The following PARD3 variants were observed in gnomAD, a reference collection of about 807,000 sequenced individuals.
PARD3 encodes the protein par-3 family cell polarity regulator, also known as partitioning defective 3 homolog.
In PARD3, 75 loss-of-function variants were observed where a neutral mutation model predicts 155.4. That is an observed-to-expected ratio of 0.48 (90% CI 0.40 to 0.58). The LOEUF (loss-of-function observed/expected upper bound fraction) is 0.58. Among genes scored for constraint, PARD3 ranks in the 20% least tolerant of loss-of-function variants. The pLI, the probability that PARD3 is intolerant of heterozygous loss-of-function variation, is 0.00. For synonymous variants in PARD3, 576 were observed against 610.5 expected (o/e 0.94, Z 0.83); for missense variants, 1,642 against 1,721.7 (o/e 0.95, Z 0.82).
chr10:34,432,507 G>C (rs1229001951), intron 5 of PARD3, among the ~76,000 whole-genome samples: 2 of 152,028 alleles, frequency 1.3e-5, no homozygotes, highest in African/African-American at 4.8e-5. Context: ...GAAAAGAATG[G>C]CCAATCATAG....
intron 22 of PARD3, among the ~76,000 whole-genome samples, chr10:34,162,491 T>A (rs1949333632): frequency 6.6e-6 from 1 of 152,222 alleles, no homozygotes; most frequent in Non-Finnish European, 1.5e-5. Flanking sequence ...CTGTGTCACA[T>A]ACACATGTGA....
At chr10:34,309,133 T>C (rs569817414) in intron 20 of PARD3, among the ~76,000 whole-genome samples, 1 of 152,148 alleles carries the variant, frequency 6.6e-6, no homozygotes, top group East Asian at 1.9e-4. Flanking sequence ...AGACAGCAAA[T>C]ATATCAAAGG....
chr10:34,493,724 C>T (rs972548841), intron 3 of PARD3, among the ~76,000 whole-genome samples: 7 of 149,886 alleles, frequency 4.7e-5, no homozygotes, highest in African/African-American at 1.7e-4. Context: ...AAAAGCGAAA[C>T]TCTGTCTCAA....
chr10:34,183,762 GC>G (rs1330076492), intron 22 of PARD3, among the ~76,000 whole-genome samples: 5 of 152,166 alleles, frequency 3.3e-5, no homozygotes, highest in Non-Finnish European at 7.3e-5. Flanking sequence ...TTTGTTCCAA[GC>G]CCCCCTCCCT....
chr10:34,439,987 G>T (rs969991162), intron 5 of PARD3, among the ~76,000 whole-genome samples: 1 of 152,020 alleles, frequency 6.6e-6, no homozygotes, highest in African/African-American at 2.4e-5. Context: ...ATACTATAGG[G>T]CACATATACC....
chr10:34,565,510 G>A (rs1227667251), intron 2 of PARD3, among the ~76,000 whole-genome samples: 6 of 151,746 alleles, frequency 4.0e-5, no homozygotes, highest in East Asian at 1.9e-4. Context: ...CAAGTGATCC[G>A]CCCGCCTCGG....
At chr10:34,510,995 A>T (rs1327156496) in intron 3 of PARD3, among the ~76,000 whole-genome samples, 1 of 152,182 alleles carries the variant, frequency 6.6e-6, no homozygotes, top group Non-Finnish European at 1.5e-5. Context: ...TTAAATCAGG[A>T]TTTAAATAAG....
At chr10:34,623,163 T>C (rs1389292858) in intron 2 of PARD3, among the ~76,000 whole-genome samples, 1 of 152,162 alleles carries the variant, frequency 6.6e-6, no homozygotes, top group Non-Finnish European at 1.5e-5. Context: ...AAGCTGGGCT[T>C]CGACAGTCGA....
chr10:34,718,789 C>T lies in PARD3; in HGVS notation c.121-22370G>A, dbSNP rs182851924. Among the ~76,000 whole-genome samples, 45 of 152,140 alleles carry T rather than the reference C, an allele frequency of 3.0e-4. 1 individual carries two copies. In the East Asian group the frequency reaches 6.2e-3, roughly 21 times the overall value. ...ACCAGCCTGACCAACATGGTGAAAC[C>T]CTGTCTCTACTAAAAAATACAAAAA... On this transcript the variant is annotated intron_variant, in intron 1 of 24. Coordinates refer to ENST00000374788, the MANE Select transcript of PARD3 (RefSeq NM_001184785.2).
chr10:34,658,315 A>G (rs1157032164), intron 2 of PARD3, among the ~76,000 whole-genome samples: 10 of 152,202 alleles, frequency 6.6e-5, no homozygotes, highest in Non-Finnish European at 1.0e-4. Context: ...TGAATTCTGA[A>G]TATCATTTAA....
chr10:34,622,951 G>A (rs2477017), intron 2 of PARD3, among the ~76,000 whole-genome samples: 79,514 of 150,828 alleles, frequency 0.53, 24,239 homozygotes, highest in African/African-American at 0.86. Flanking sequence ...TTCCCCATGT[G>A]TGTCTTTTTT....
At chr10:34,343,498 A>C (rs1837050919) in intron 15 of PARD3, 1 of 985,042 alleles carries the variant, frequency 1.0e-6, no homozygotes, top group Admixed American at 6.2e-5. Context: ...TAAGAAAATA[A>C]TTTAGCATTT....
chr10:34,569,040 A>G (rs567258592), intron 2 of PARD3, among the ~76,000 whole-genome samples: 4 of 152,372 alleles, frequency 2.6e-5, no homozygotes, highest in African/African-American at 4.8e-5. Context: ...GTATTAAAAA[A>G]TATTTAATGC....
intron 5 of PARD3, among the ~76,000 whole-genome samples, chr10:34,427,006 T>C (rs921773923): frequency 6.6e-6 from 1 of 152,256 alleles, no homozygotes; most frequent in Non-Finnish European, 1.5e-5. Context: ...TGATTTCCTA[T>C]GCCTGACTTT....
Position 34,348,024 on chromosome 10 carries a change from C to T in PARD3, c.2159G>A (p.Ser720Asn), listed in dbSNP as rs372554469. Reference protein sequence around the residue: ...RERRISHSLYSGIEGLDESPS... With the variant: ...RERRISHSLYNGIEGLDESPS... ...CGATTCATCAAGCCCCTCAATCCCACTGTAGAGGGAATGGGAAATTCTTCG... is the reference window on the plus strand; with the variant it reads ...CGATTCATCAAGCCCCTCAATCCCATTGTAGAGGGAATGGGAAATTCTTCG... Residue 720 changes from serine (S) to asparagine (N), a missense_variant, in exon 15 of 25, where the codon AGT (serine) becomes AAT (asparagine). Ser to Asn is a conservative substitution (Grantham distance 46, BLOSUM62 1). This residue lies in a region of PARD3 where 1,529 missense variants were observed against 1,587.3 expected (regional missense o/e 0.96). Coordinates refer to ENST00000374788, the MANE Select transcript of PARD3 (RefSeq NM_001184785.2). 2 of 1,613,492 alleles carry T rather than the reference C, an allele frequency of 1.2e-6. No individual in the cohort carries two copies. Among genetic ancestry groups the T allele is most frequent in the Non-Finnish European group, 1.7e-6 (2 of 1,179,742 alleles).
intron 2 of PARD3, among the ~76,000 whole-genome samples, chr10:34,693,700 C>T (rs960343424): frequency 1.3e-5 from 2 of 152,050 alleles, no homozygotes; most frequent in African/African-American, 4.8e-5. Flanking sequence ...ACCCCTGAAT[C>T]TAGAATAAAA....
At chr10:34,295,660 AG>A (rs1393449112) in intron 20 of PARD3, among the ~76,000 whole-genome samples, 1 of 152,206 alleles carries the variant, frequency 6.6e-6, no homozygotes. Context: ...CCCTGGCTGC[AG>A]GTGGAAACTA....
chr10:34,476,512 A>G (rs1390112659), intron 3 of PARD3, among the ~76,000 whole-genome samples: 1 of 152,186 alleles, frequency 6.6e-6, no homozygotes, highest in Non-Finnish European at 1.5e-5. Flanking sequence ...TAGGGCCCAG[A>G]GACCACACGC....
intron 2 of PARD3, among the ~76,000 whole-genome samples, chr10:34,599,864 T>C (rs2089610391): frequency 6.6e-6 from 1 of 152,166 alleles, no homozygotes; most frequent in Non-Finnish European, 1.5e-5. Flanking sequence ...AATTTTCCTT[T>C]TAATAAAAGG....
Sources: gnomAD v4.1 joint callset for allele counts (sites outside exome capture counted in the v4.1 genomes callset) on GRCh38, gnomAD v4.1.1 for gene constraint, gnomAD v4.1.1 regional missense constraint, MANE v1.5 for transcripts, NCBI Gene and HGNC (gene_info 2026-07-23, HGNC 2026-07-21) for gene names.